POU6F2: variants seen among roughly 807,000 people sequenced by gnomAD.
POU6F2 encodes the protein POU domain, class 6, transcription factor 2.
Under a neutral mutation model 71.3 loss-of-function variants are expected in POU6F2, and 31 were observed. That is an observed-to-expected ratio of 0.43 (90% confidence interval 0.33 to 0.59). The LOEUF (loss-of-function observed/expected upper bound fraction) is 0.59. Ranked by LOEUF, POU6F2 falls within the 20% of genes least tolerant of loss-of-function variation. The probability of loss-of-function intolerance (pLI) is 0.04; values close to 1 mark genes in which losing one functional copy is unlikely to be tolerated. For synonymous variants in POU6F2, 347 were observed against 355.7 expected (o/e 0.98, Z 0.27); for missense variants, 783 against 856.8 (o/e 0.91, Z 1.07).
chr7:38,987,294 C>A (rs859516), intron 1 of POU6F2, among the ~76,000 whole-genome samples: 27,362 of 151,992 alleles, frequency 0.18, 2,728 homozygotes, highest in Middle Eastern at 0.26. Flanking sequence ...CAGAGAATGG[C>A]GTAAAGAGCT....
intron 2 of POU6F2, among the ~76,000 whole-genome samples, chr7:39,201,074 C>A (rs928384554): frequency 6.6e-6 from 1 of 152,010 alleles, no homozygotes; most frequent in Non-Finnish European, 1.5e-5. Context: ...TAATAATAAT[C>A]AAGAGAAATA....
chr7:39,377,768 A>G (rs1036992843), intron 5 of POU6F2, among the ~76,000 whole-genome samples: 3 of 152,214 alleles, frequency 2.0e-5, no homozygotes, highest in Non-Finnish European at 4.4e-5. Context: ...CTAGGAGTAG[A>G]CTAGGGAGGG....
intron 4 of POU6F2, among the ~76,000 whole-genome samples, chr7:39,320,811 T>A (rs1785373197): frequency 6.6e-6 from 1 of 152,170 alleles, no homozygotes; most frequent in South Asian, 2.1e-4. Context: ...TCCCAGGACT[T>A]TGGGAGGCTA....
intron 5 of POU6F2, among the ~76,000 whole-genome samples, chr7:39,343,049 C>T (rs891164591): frequency 1.3e-5 from 2 of 152,206 alleles, no homozygotes; most frequent in African/African-American, 4.8e-5. Context: ...CATTGAGACT[C>T]AGGACCCACC....
chr7:39,166,167 A>G (rs1045859487), intron 2 of POU6F2, among the ~76,000 whole-genome samples: 7 of 152,266 alleles, frequency 4.6e-5, no homozygotes, highest in Admixed American at 3.9e-4. Flanking sequence ...GGTTGAATTA[A>G]TAAATAAATG....
chr7:39,201,922 CATCTGTTTGGGGAA>C (rs1279393944), intron 2 of POU6F2, among the ~76,000 whole-genome samples: 1 of 152,160 alleles, frequency 6.6e-6, no homozygotes, highest in East Asian at 1.9e-4. Context: ...ATGCGTGATA[CATCTGTTTGGGGAA>C]AATGGGGATG....
In POU6F2 at chr7:39,406,648, A is replaced by C. The variant is rs376654925; in HGVS notation, c.1021A>C (p.Met341Leu). The change falls in exon 6 of 10, where the codon ATG (methionine) becomes CTG (leucine). Residue 341 changes from methionine to leucine, a missense_variant. This residue lies in a region of POU6F2 where 572 missense variants were observed against 572.9 expected (regional missense o/e 1.00). Coordinates refer to ENST00000518318, the MANE Select transcript of POU6F2 (RefSeq NM_001370959.1). Reference protein sequence around the residue: ...ASQAAAAAAAMSSIASSQAFG... With the variant: ...ASQAAAAAAALSSIASSQAFG... ...TCAGGCTGCAGCGGCTGCAGCAGCC[A>C]TGAGCTCCATAGCAAGCTCACAGGC... 1.2e-6 allele frequency: 2 copies of C among 1,613,648 alleles called. No homozygotes were observed. Among genetic ancestry groups the C allele is most frequent in the Non-Finnish European group, 1.7e-6 (2 of 1,179,754 alleles).
Position 39,460,474 on chromosome 7 carries a change from T to G in POU6F2, c.1490-73T>G. ...GCTGTTAAAGAGAGCCACTTTCTTA[T>G]AAACCGTAATAAACAGATATTGCTC... On this transcript the variant is annotated intron_variant, in intron 8 of 9. Coordinates refer to ENST00000518318, the MANE Select transcript of POU6F2 (RefSeq NM_001370959.1). This position sits in a 1 kb window ranked among gnomAD's most constrained non-coding sequence, Gnocchi z 4.4. The G allele has an allele frequency of 6.5e-7, 1 of 1,528,692 alleles. No individual in the cohort carries two copies. Among genetic ancestry groups the G allele is most frequent in the Non-Finnish European group, 8.9e-7 (1 of 1,122,706 alleles). 94.7% of individuals were successfully genotyped at this position (1,528,692 alleles called of 1,614,324 possible). A position where few individuals can be genotyped will look rare whatever the true frequency, so the allele number is the denominator to read the frequency against.
chr7:39,030,572 G>A (rs1222044892), intron 1 of POU6F2, among the ~76,000 whole-genome samples: 3 of 118,258 alleles, frequency 2.5e-5, no homozygotes, highest in South Asian at 2.9e-4. Flanking sequence ...TCCATTGCCC[G>A]GATGTGTAAC....
intron 5 of POU6F2, among the ~76,000 whole-genome samples, chr7:39,356,797 C>G (rs1337225891): frequency 6.6e-6 from 1 of 152,170 alleles, no homozygotes; most frequent in East Asian, 1.9e-4. Context: ...CTATAAAAGC[C>G]TTAGATGCTA....
chr7:39,031,835 C>T lies in POU6F2; in HGVS notation c.105+53777C>T, dbSNP rs553019388. Among the ~76,000 whole-genome samples, 10 of 151,918 alleles carry T rather than the reference C, an allele frequency of 6.6e-5. No homozygotes were observed. In the East Asian group the frequency reaches 1.7e-3, roughly 26 times the overall value. On this transcript the variant is annotated intron_variant, in intron 1 of 9. Transcript: ENST00000518318. ...GGTGGAGGCTGCAGTGAGCTGAGAT[C>T]ATGCCACTGTACTCCAGCCTGGGCA...
chr7:39,280,534 G>A (rs1784543627), intron 4 of POU6F2, among the ~76,000 whole-genome samples: 1 of 152,284 alleles, frequency 6.6e-6, no homozygotes, highest in South Asian at 2.1e-4. Context: ...GAAAATTGCT[G>A]AAGAGGCAAT....
chr7:38,991,711 A>G (rs1178605430), intron 1 of POU6F2, among the ~76,000 whole-genome samples: 1 of 151,970 alleles, frequency 6.6e-6, no homozygotes, highest in African/African-American at 2.4e-5. Flanking sequence ...GGAAAGAGTG[A>G]TATTGGTGTA....
Position 39,258,712 on chromosome 7 carries a change from AAAG to A in POU6F2, c.598+51108_598+51110del, listed in dbSNP as rs201493576. Reference sequence around the variant, plus strand: ...TTACTCTAGATGTTTAAAAAAAAAAAAAGAAGAAGAAGAAGAAGGTGGTAGGGG... The same window carrying A: ...TTACTCTAGATGTTTAAAAAAAAAAAAAGAAGAAGAAGAAGGTGGTAGGGG... On this transcript the variant is annotated intron_variant, in intron 4 of 9. Coordinates refer to ENST00000518318, the MANE Select transcript of POU6F2 (RefSeq NM_001370959.1). Among the ~76,000 whole-genome samples the A allele has an allele frequency of 1.7e-4, 26 of 151,836 alleles. No individual in the cohort carries two copies. In the East Asian group the frequency reaches 3.3e-3, roughly 19 times the overall value.
chr7:39,291,507 C>T (rs1039752617), intron 4 of POU6F2, among the ~76,000 whole-genome samples: 5 of 152,154 alleles, frequency 3.3e-5, no homozygotes, highest in African/African-American at 9.7e-5. Context: ...AGCTTTAGAC[C>T]GGCTATGATT....
At chr7:39,371,793 C>T (rs892610105) in intron 5 of POU6F2, among the ~76,000 whole-genome samples, 1 of 152,224 alleles carries the variant, frequency 6.6e-6, no homozygotes, top group East Asian at 1.9e-4. Context: ...CGTTCAACCA[C>T]GGGCTCATTG....
chr7:39,225,279 A>G (rs1295118386), intron 4 of POU6F2, among the ~76,000 whole-genome samples: 2 of 152,074 alleles, frequency 1.3e-5, no homozygotes, highest in African/African-American at 4.8e-5. Flanking sequence ...GTTCAAGTGT[A>G]AAATAATAAG....
At chr7:39,238,884 C>G (rs1451364634) in intron 4 of POU6F2, among the ~76,000 whole-genome samples, 1 of 152,130 alleles carries the variant, frequency 6.6e-6, no homozygotes, top group African/African-American at 2.4e-5. Flanking sequence ...TTGCTACACA[C>G]AGAAACGTGG....
intron 4 of POU6F2, among the ~76,000 whole-genome samples, chr7:39,281,649 A>C (rs1044233205): frequency 6.6e-6 from 1 of 152,106 alleles, no homozygotes; most frequent in Non-Finnish European, 1.5e-5. Context: ...TTTTTATGGC[A>C]GAATTAATAT....
Sources: gnomAD v4.1 joint callset for allele counts (sites outside exome capture counted in the v4.1 genomes callset) on GRCh38, gnomAD v4.1.1 for gene constraint, gnomAD v4.1.1 regional missense constraint, Gnocchi (gnomAD v3.1) non-coding constraint, MANE v1.5 for transcripts, NCBI Gene and HGNC (gene_info 2026-07-23, HGNC 2026-07-21) for gene names.